The following CNTNAP2 variants were observed in gnomAD, a reference collection of about 807,000 sequenced individuals.
The protein encoded by CNTNAP2 is contactin associated protein 2.
CNTNAP2 carries 98 observed loss-of-function variants against 155.2 expected under a neutral mutation model. That is an observed-to-expected ratio of 0.63 (90% CI 0.54 to 0.75). The LOEUF is 0.75. CNTNAP2 is among the 30% of genes least tolerant of loss of function. The pLI is 0.00. For synonymous variants in CNTNAP2, 651 were observed against 631.2 expected (o/e 1.03, Z -0.47); for missense variants, 1,727 against 1,688.1 (o/e 1.02, Z -0.40).
intron 13 of CNTNAP2, among the ~76,000 whole-genome samples, chr7:147,806,505 AAAAAAGAATG>A (rs1373716954): frequency 6.6e-6 from 1 of 152,152 alleles, no homozygotes; most frequent in Non-Finnish European, 1.5e-5. Flanking sequence ...GAATATATAT[AAAAAAGAATG>A]AAAATCAGTA....
intron 21 of CNTNAP2, among the ~76,000 whole-genome samples, chr7:148,345,721 G>A (rs1350036132): frequency 6.6e-6 from 1 of 152,076 alleles, no homozygotes; most frequent in Non-Finnish European, 1.5e-5. Context: ...CAACTGTGGG[G>A]CAGAGGCCAG....
intron 15 of CNTNAP2, among the ~76,000 whole-genome samples, chr7:148,005,522 T>G (rs1388728940): frequency 6.6e-6 from 1 of 152,044 alleles, no homozygotes; most frequent in Admixed American, 6.6e-5. Flanking sequence ...AAAGCCCTGC[T>G]GTGGGGTCTG....
At chr7:147,270,001 G>T (rs1416442549) in intron 8 of CNTNAP2, among the ~76,000 whole-genome samples, 16 of 152,178 alleles carry the variant, frequency 1.1e-4, no homozygotes, top group Non-Finnish European at 1.9e-4. Flanking sequence ...TTCTGAGGCT[G>T]CAGTGAGCTA....
chr7:148,180,622 G>C (rs1473124849), intron 18 of CNTNAP2, among the ~76,000 whole-genome samples: 1 of 152,120 alleles, frequency 6.6e-6, no homozygotes, highest in Non-Finnish European at 1.5e-5. Flanking sequence ...TGAGATGGTG[G>C]ATTCCTTTAC....
At chr7:147,068,644 A>G (rs1799830444) in intron 4 of CNTNAP2, among the ~76,000 whole-genome samples, 1 of 152,164 alleles carries the variant, frequency 6.6e-6, no homozygotes, top group African/African-American at 2.4e-5. Flanking sequence ...GGCATGAGCC[A>G]CTGCGCTTGG....
chr7:146,518,090 T>C (rs992142154), intron 1 of CNTNAP2, among the ~76,000 whole-genome samples: 4 of 151,980 alleles, frequency 2.6e-5, no homozygotes, highest in African/African-American at 9.7e-5. Flanking sequence ...CCCTTGCTTT[T>C]TAAACTATGA....
At chr7:147,098,080 G>A (rs1481814804) in intron 4 of CNTNAP2, among the ~76,000 whole-genome samples, 1 of 152,118 alleles carries the variant, frequency 6.6e-6, no homozygotes. Context: ...TTGCGTAACT[G>A]TTGCCAACAC....
intron 20 of CNTNAP2, among the ~76,000 whole-genome samples, chr7:148,257,780 G>C (rs1796479852): frequency 6.6e-6 from 1 of 152,172 alleles, no homozygotes; most frequent in Non-Finnish European, 1.5e-5. Flanking sequence ...TGTGGTCTGG[G>C]AGGATGGAGC....
chr7:147,519,187 T>A (rs573926280), intron 11 of CNTNAP2, among the ~76,000 whole-genome samples: 24 of 152,236 alleles, frequency 1.6e-4, no homozygotes, highest in African/African-American at 5.8e-4. Flanking sequence ...CAGGAACGCA[T>A]TCCTCTGGGA....
At chr7:148,144,559 C>T (rs1183521421) in intron 16 of CNTNAP2, among the ~76,000 whole-genome samples, 2 of 152,304 alleles carry the variant, frequency 1.3e-5, no homozygotes, top group East Asian at 3.9e-4. Context: ...GTTCTGCCAG[C>T]ATCATCAAAC....
At chr7:147,234,662 G>A (rs931375115) in intron 8 of CNTNAP2, among the ~76,000 whole-genome samples, 4 of 152,086 alleles carry the variant, frequency 2.6e-5, no homozygotes, top group Non-Finnish European at 5.9e-5. Context: ...ATAGCAAAAC[G>A]ATGCAGTTCA....
At chr7:146,182,687 C>G (rs1388435881) in intron 1 of CNTNAP2, among the ~76,000 whole-genome samples, 3 of 152,152 alleles carry the variant, frequency 2.0e-5, no homozygotes, top group Non-Finnish European at 4.4e-5. Flanking sequence ...ACAACTTTTA[C>G]CCTTTAAATT....
At chr7:146,969,716 G>C (rs1450278338) in intron 3 of CNTNAP2, among the ~76,000 whole-genome samples, 1 of 151,720 alleles carries the variant, frequency 6.6e-6, no homozygotes, top group African/African-American at 2.4e-5. Flanking sequence ...TTACTTTAAA[G>C]TTCATATGGC....
intron 15 of CNTNAP2, among the ~76,000 whole-genome samples, chr7:148,035,986 CT>C (rs2116470171): frequency 6.6e-6 from 1 of 152,314 alleles, no homozygotes; most frequent in South Asian, 2.1e-4. Context: ...CCAGCTACCC[CT>C]TTTTCCCTGC....
chr7:146,496,212 G>C (rs149016884), intron 1 of CNTNAP2, among the ~76,000 whole-genome samples: 48 of 151,196 alleles, frequency 3.2e-4, no homozygotes, highest in African/African-American at 1.1e-3. Flanking sequence ...GTCTCTAGAT[G>C]TGGCTCTGAG....
intron 1 of CNTNAP2, among the ~76,000 whole-genome samples, chr7:146,475,506 A>G (rs1246723252): frequency 6.6e-6 from 1 of 152,192 alleles, no homozygotes; most frequent in East Asian, 1.9e-4. Flanking sequence ...TGTGTTAACT[A>G]TTAGTTTTCG....
intron 4 of CNTNAP2, chr7:147,085,933 T>C (rs1208328625): frequency 1.3e-5 from 2 of 152,226 alleles, no homozygotes; most frequent in Non-Finnish European, 2.9e-5. Flanking sequence ...ACGAAAGCTC[T>C]GTAAGTCAAA....
At chr7:146,299,445 A>ATG (rs1800568854) in intron 1 of CNTNAP2, among the ~76,000 whole-genome samples, 1 of 152,116 alleles carries the variant, frequency 6.6e-6, no homozygotes, top group Non-Finnish European at 1.5e-5. Context: ...GTGCAGTGTC[A>ATG]CGATCATAGC....
chr7:147,987,196 G>A (rs772785191), intron 15 of CNTNAP2, among the ~76,000 whole-genome samples: 3 of 152,186 alleles, frequency 2.0e-5, no homozygotes, highest in Admixed American at 1.3e-4. Context: ...GCTTTTACAA[G>A]TAGATGGAAG....
Sources: allele counts gnomAD v4.1 joint callset (sites outside exome capture counted in the v4.1 genomes callset), GRCh38; gene constraint gnomAD v4.1.1; transcripts MANE v1.5; gene names NCBI Gene and HGNC (gene_info 2026-07-23, HGNC 2026-07-21).